PLPP1: variants seen among roughly 807,000 people sequenced by gnomAD.
The protein encoded by PLPP1 is lipid phosphate phosphohydrolase 1a.
A neutral mutation model predicts 31.2 loss-of-function variants in PLPP1; 24 were observed. The ratio of observed to expected loss-of-function variants is 0.77; its 90% confidence interval spans 0.56 to 1.08. The LOEUF (loss-of-function observed/expected upper bound fraction) is 1.08. Ranked by LOEUF, PLPP1 falls within the 50% of genes least tolerant of loss-of-function variation. PLPP1 has a pLI of 0.00. For synonymous variants in PLPP1, 146 were observed against 126.3 expected (o/e 1.16, Z -1.05); for missense variants, 319 against 342.7 (o/e 0.93, Z 0.55).
Position 55,424,870 on chromosome 5 carries a change from AT to A in PLPP1, c.*335del, listed in dbSNP as rs1751126190. On this transcript the variant is annotated 3_prime_UTR_variant, in exon 6 of 6. Transcript: ENST00000307259. ...AAGTGTGGATTTGGTTCTCCCATAC[AT>A]TTTAATATGTATTATATTTAAATCA... The A allele has an allele frequency of 3.7e-6, 3 of 813,446 alleles. No individual in the cohort carries two copies. Among genetic ancestry groups the A allele is most frequent in the Non-Finnish European group, 6.2e-6 (3 of 485,402 alleles). 50.4% of individuals were successfully genotyped at this position (813,446 alleles called of 1,614,324 possible).
At chr5:55,485,884 TC>T (rs1464888984) in intron 1 of PLPP1, among the ~76,000 whole-genome samples, 2 of 152,172 alleles carry the variant, frequency 1.3e-5, no homozygotes, top group African/African-American at 4.8e-5. Context: ...CTTACTTATT[TC>T]CAATTTTCTT....
At chr5:55,484,555 C>T (rs914141236) in intron 1 of PLPP1, 1 of 152,120 alleles carries the variant, frequency 6.6e-6, no homozygotes, top group African/African-American at 2.4e-5. Context: ...GTGCTTTAAA[C>T]ACTTTCAAGG....
At chr5:55,426,514 A>AT (rs1751200058) in intron 4 of PLPP1, among the ~76,000 whole-genome samples, 1 of 151,846 alleles carries the variant, frequency 6.6e-6, no homozygotes, top group Admixed American at 6.6e-5. Context: ...CAATCTTTCC[A>AT]TGTCAGTTTC....
Position 55,462,162 on chromosome 5 carries a change from TTTCAAAGAAA to T in PLPP1, c.491+5697_491+5706del, listed in dbSNP as rs1752179717. On this transcript the variant is annotated intron_variant, in intron 3 of 5. Transcript: ENST00000307259. Reference sequence around the variant, plus strand: ...AGCAATCTCAATAAAATTTCTGCCCTTTCAAAGAAAACATAAAGAACTTACAATAGACAAA... The same window carrying T: ...AGCAATCTCAATAAAATTTCTGCCCTACATAAAGAACTTACAATAGACAAA... 5.3e-5 allele frequency among the ~76,000 whole-genome samples: 8 copies of T among 152,312 alleles called. No individual in the cohort carries two copies. In the South Asian group the frequency reaches 1.5e-3, roughly 28 times the overall value.
At chr5:55,472,531 C>CG (rs567126628) in intron 2 of PLPP1, among the ~76,000 whole-genome samples, 18 of 151,808 alleles carry the variant, frequency 1.2e-4, no homozygotes, top group Non-Finnish European at 2.6e-4. Flanking sequence ...ACCCAGGAGT[C>CG]GGAGTTTGCA....
chr5:55,444,583 G>A (rs919679012), intron 3 of PLPP1, among the ~76,000 whole-genome samples: 9 of 152,042 alleles, frequency 5.9e-5, no homozygotes, highest in South Asian at 2.1e-4. Context: ...CAAATCTTAC[G>A]AAAATCTTCT....
rs754846857 is a variant in PLPP1, at chr5:55,475,488, G to T, written c.59-38C>A. On this transcript the variant is annotated intron_variant, in intron 1 of 5. Coordinates refer to ENST00000307259, the MANE Select transcript of PLPP1 (RefSeq NM_003711.4). The stretch of plus-strand genomic sequence containing the variant: ...AATAAATGAAAATATCATTAAAAAA[G>T]AAATATCAAAACTAATTAATGGCAA... 4 of 1,527,912 alleles carry T rather than the reference G, an allele frequency of 2.6e-6. No individual in the cohort carries two copies. The South Asian group carries it at 5.0e-5, about 19-fold the overall frequency. The allele number at this position is 1,527,912 out of a possible 1,614,324, so 94.6% of individuals were successfully genotyped here. A position where few individuals can be genotyped will look rare whatever the true frequency, so the allele number is the denominator to read the frequency against.
chr5:55,436,309 G>A (rs749706335), intron 4 of PLPP1, among the ~76,000 whole-genome samples: 1 of 152,116 alleles, frequency 6.6e-6, no homozygotes, highest in Non-Finnish European at 1.5e-5. Flanking sequence ...CCCAGTGGGA[G>A]GTAACTGAAT....
intron 4 of PLPP1, among the ~76,000 whole-genome samples, chr5:55,440,687 T>TAAC (rs1461883486): frequency 6.6e-6 from 1 of 152,258 alleles, no homozygotes; most frequent in Non-Finnish European, 1.5e-5. Flanking sequence ...GAATTTTATA[T>TAAC]AACACATCTA....
chr5:55,519,550 A>G (rs982448362), intron 1 of PLPP1, among the ~76,000 whole-genome samples: 31 of 152,040 alleles, frequency 2.0e-4, no homozygotes, highest in Admixed American at 1.6e-3. Flanking sequence ...GGAGTTCAAG[A>G]CCACCCTGGC....
rs10573958 is a variant in PLPP1, at chr5:55,426,572, GT to G, written c.550-534del. Among the ~76,000 whole-genome samples, 924 of 148,458 alleles carry G rather than the reference GT, an allele frequency of 6.2e-3. 7 individuals are homozygous for G. The highest frequency in any genetic ancestry group is 0.022 in the African/African-American group (884 of 40,408). On this transcript the variant is annotated intron_variant, in intron 4 of 5. Transcript: ENST00000307259. ...ACATGTCACTGAGCCCAGCTAATTGGTTTTTTTTTTTTTTTATAGAGATGGG... is the reference window on the plus strand; with the variant it reads ...ACATGTCACTGAGCCCAGCTAATTGGTTTTTTTTTTTTTTATAGAGATGGG...
rs1554040007 is a variant in PLPP1, at chr5:55,485,471, C to CT, written c.59-10022dup. 2.6e-3 allele frequency among the ~76,000 whole-genome samples: 393 copies of CT among 151,556 alleles called. 1 individual carries two copies. The highest frequency in any genetic ancestry group is 9.1e-3 in the African/African-American group (376 of 41,328). On this transcript the variant is annotated intron_variant, in intron 1 of 5. Transcript: ENST00000307259. ...AATCTCAAAACATAGTTATTTTGATCTTTTTTTTTCTTTTGGCACTTTCTT... is the reference window on the plus strand; with the variant it reads ...AATCTCAAAACATAGTTATTTTGATCTTTTTTTTTTCTTTTGGCACTTTCTT...
chr5:55,458,527 A>C (rs1251560934), intron 3 of PLPP1, among the ~76,000 whole-genome samples: 2 of 152,182 alleles, frequency 1.3e-5, no homozygotes, highest in African/African-American at 4.8e-5. Flanking sequence ...GCTACACTAA[A>C]AAAAAATTGT....
chr5:55,458,138 A>G (rs1197049243), intron 3 of PLPP1, among the ~76,000 whole-genome samples: 1 of 152,212 alleles, frequency 6.6e-6, no homozygotes, highest in Non-Finnish European at 1.5e-5. Context: ...TCTAGAATCA[A>G]AAACAAGATG....
At chr5:55,463,780 CATAAATAAATAA>C (rs58202815) in intron 3 of PLPP1, among the ~76,000 whole-genome samples, 3,779 of 131,382 alleles carry the variant, frequency 0.029, 76 homozygotes, top group African/African-American at 0.056. Context: ...GACCCTGTCC[CATAAATAAATAA>C]ATAAATAAAT....
intron 1 of PLPP1, among the ~76,000 whole-genome samples, chr5:55,501,779 C>T (rs1423793372): frequency 1.3e-5 from 2 of 152,220 alleles, no homozygotes; most frequent in African/African-American, 2.4e-5. Context: ...GCTGGGATTA[C>T]AGGCGTGAGC....
At chr5:55,527,147 A>G (rs912138892) in intron 1 of PLPP1, among the ~76,000 whole-genome samples, 4 of 152,168 alleles carry the variant, frequency 2.6e-5, no homozygotes, top group African/African-American at 9.7e-5. Flanking sequence ...CTATTTAGCA[A>G]GTGAGAATCT....
chr5:55,427,979 G>A (rs1003738753), intron 4 of PLPP1, among the ~76,000 whole-genome samples: 1 of 152,052 alleles, frequency 6.6e-6, no homozygotes, highest in South Asian at 2.1e-4. Flanking sequence ...TAGGGACGAT[G>A]TTTCACTGTG....
In PLPP1 at chr5:55,491,749, T is replaced by C. The variant is rs911667857; in HGVS notation, c.59-16299A>G. Among the ~76,000 whole-genome samples the C allele has an allele frequency of 3.3e-5, 5 of 150,162 alleles. No homozygotes were observed. The East Asian group carries it at 9.8e-4, about 29-fold the overall frequency. On this transcript the variant is annotated intron_variant, in intron 1 of 5. Coordinates refer to ENST00000307259, the MANE Select transcript of PLPP1 (RefSeq NM_003711.4). Reference sequence around the variant, plus strand: ...GGTATACACCTGTAGTCCCAGCTACTGGGCAGACTGAAGCAGGAGAATCGC... The same window carrying C: ...GGTATACACCTGTAGTCCCAGCTACCGGGCAGACTGAAGCAGGAGAATCGC...
Sources: gnomAD v4.1 joint callset for allele counts (sites outside exome capture counted in the v4.1 genomes callset) on GRCh38, gnomAD v4.1.1 for gene constraint, MANE v1.5 for transcripts, NCBI Gene and HGNC (gene_info 2026-07-23, HGNC 2026-07-21) for gene names.